The following CCDC91 variants were observed in gnomAD, a reference collection of about 807,000 sequenced individuals.
CCDC91 encodes coiled-coil domain containing 91, also known as coiled-coil domain-containing protein 91.
A neutral mutation model predicts 63.2 loss-of-function variants in CCDC91; 48 were observed. That is an observed-to-expected ratio of 0.76 (90% CI 0.60 to 0.97). The LOEUF is 0.97. CCDC91 is among the 50% of genes least tolerant of loss of function. CCDC91 has a pLI of 0.00. For synonymous variants in CCDC91, 167 were observed against 165.8 expected, an observed-to-expected ratio of 1.01 and a Z score of -0.06; for missense variants, 500 against 494.6, an observed-to-expected ratio of 1.01 and a Z score of -0.10.
chr12:28,329,666 CGCA>C (rs1227770886), intron 6 of CCDC91, among the ~76,000 whole-genome samples: 1 of 151,830 alleles, frequency 6.6e-6, no homozygotes, highest in Non-Finnish European at 1.5e-5. Context: ...GTGCACAACG[CGCA>C]GGTTTGTTAC....
rs758170537 is a variant in CCDC91 at position 28,259,491 on chromosome 12, A to C, written c.109+49A>C. ...TTTTTTTTTTTTTTTTTCCCATGTA[A>C]CATTTTTGGCAACTCTTTGAAACCC... On this transcript the variant is annotated intron_variant, in intron 3 of 12. Transcript: ENST00000536442. The C allele has an allele frequency of 2.0e-5, 25 of 1,248,400 alleles. 1 individual carries two copies. In the South Asian group the frequency reaches 3.2e-4, roughly 16 times the overall value. 77.3% of individuals were successfully genotyped at this position (1,248,400 alleles called of 1,614,324 possible).
At chr12:28,362,029 G>A (rs1943922174) in intron 6 of CCDC91, among the ~76,000 whole-genome samples, 1 of 152,032 alleles carries the variant, frequency 6.6e-6, no homozygotes, top group Non-Finnish European at 1.5e-5. Flanking sequence ...GTCCTAGGTA[G>A]GTAGAATTGG....
At chr12:28,490,184 T>C (rs892950657) in intron 12 of CCDC91, among the ~76,000 whole-genome samples, 11 of 151,902 alleles carry the variant, frequency 7.2e-5, no homozygotes, top group African/African-American at 2.4e-4. Flanking sequence ...CTCTTGCTTC[T>C]ATCCAATCTG....
intron 7 of CCDC91, among the ~76,000 whole-genome samples, chr12:28,374,336 A>G (rs762110200): frequency 6.6e-6 from 1 of 152,128 alleles, no homozygotes; most frequent in Non-Finnish European, 1.5e-5. Context: ...GTATTGGATC[A>G]CCTCAACCCA....
At chr12:28,422,954 T>G (rs536333951) in intron 8 of CCDC91, among the ~76,000 whole-genome samples, 5 of 150,940 alleles carry the variant, frequency 3.3e-5, no homozygotes, top group East Asian at 3.9e-4. Flanking sequence ...GTTGTTGGTG[T>G]TTGTTGTTGT....
At chr12:28,547,885 TG>T (rs1943095688) in intron 12 of CCDC91, among the ~76,000 whole-genome samples, 1 of 152,148 alleles carries the variant, frequency 6.6e-6, no homozygotes, top group Admixed American at 6.6e-5. Context: ...GGTTTGCCTT[TG>T]TGGGGGATGC....
intron 11 of CCDC91, among the ~76,000 whole-genome samples, chr12:28,480,828 G>A (rs992926426): frequency 6.6e-6 from 1 of 152,002 alleles, no homozygotes; most frequent in African/African-American, 2.4e-5. Flanking sequence ...ACTGAGCTAT[G>A]TTTACAGTCC....
In CCDC91 at chr12:28,548,377, C is replaced by A. The variant is rs553343971; in HGVS notation, c.1216-686C>A. 5.3e-4 allele frequency among the ~76,000 whole-genome samples: 81 copies of A among 152,188 alleles called. No individual in the cohort carries two copies. The South Asian group carries it at 0.016, about 30-fold the overall frequency. ...CTCTGTCTCCTGGGTTCAATAAATT[C>A]TTTTGCCTCAACCTCCTAAGTAGCT... On this transcript the variant is annotated intron_variant, in intron 12 of 12. Transcript: ENST00000536442.
intron 11 of CCDC91, among the ~76,000 whole-genome samples, chr12:28,455,802 T>G (rs1950031393): frequency 3.9e-5 from 6 of 152,112 alleles, no homozygotes; most frequent in Admixed American, 3.9e-4. Flanking sequence ...CTGAGCACTT[T>G]TCTAATTTTT....
chr12:28,523,948 T>C (rs532687297), intron 12 of CCDC91, among the ~76,000 whole-genome samples: 83 of 152,236 alleles, frequency 5.5e-4, no homozygotes, highest in Non-Finnish European at 1.0e-3. Context: ...GCATCCACTG[T>C]GAACGCCACA....
rs556132085 is a variant in CCDC91, at chr12:28,439,046, A to G, written c.763-11115A>G. On this transcript the variant is annotated intron_variant, in intron 8 of 12. Coordinates refer to ENST00000536442, the MANE Select transcript of CCDC91 (RefSeq NM_018318.5). ...AGGCCTGCCTTTTTAATGCTGATGC[A>G]TCTCCCAATTTTTGTGTCATTCCTA... Among the ~76,000 whole-genome samples, 15 of 152,302 alleles carry G rather than the reference A, an allele frequency of 9.8e-5. 1 individual carries two copies. The East Asian group carries it at 2.7e-3, about 27-fold the overall frequency.
At chr12:28,396,209 G>C (rs926035265) in intron 8 of CCDC91, among the ~76,000 whole-genome samples, 7 of 152,146 alleles carry the variant, frequency 4.6e-5, no homozygotes, top group Non-Finnish European at 1.0e-4. Context: ...GAAAGAGGCA[G>C]ATGGAATTGC....
At chr12:28,316,515 T>TTTTA (rs1211784667) in intron 6 of CCDC91, among the ~76,000 whole-genome samples, 1 of 149,906 alleles carries the variant, frequency 6.7e-6, no homozygotes, top group African/African-American at 2.4e-5. Flanking sequence ...TTTCTTTTTA[T>TTTTA]TTTATTTATT....
intron 8 of CCDC91, among the ~76,000 whole-genome samples, chr12:28,397,912 A>G (rs1946386671): frequency 6.6e-6 from 1 of 152,134 alleles, no homozygotes; most frequent in Non-Finnish European, 1.5e-5. Flanking sequence ...ACCGATAGCA[A>G]CCCACACACA....
intron 7 of CCDC91, among the ~76,000 whole-genome samples, chr12:28,386,360 A>G (rs1046543035): frequency 6.6e-6 from 1 of 152,092 alleles, no homozygotes; most frequent in Admixed American, 6.6e-5. Flanking sequence ...TTAACACTTT[A>G]AAAATTATTC....
chr12:28,206,012 G>A (rs940575072), intron 1 of CCDC91, among the ~76,000 whole-genome samples: 11 of 152,160 alleles, frequency 7.2e-5, no homozygotes, highest in African/African-American at 1.9e-4. Context: ...AGTGAGTTTT[G>A]CAAAGGTAGG....
chr12:28,518,764 T>C (rs1054029371), intron 12 of CCDC91, among the ~76,000 whole-genome samples: 2 of 152,078 alleles, frequency 1.3e-5, no homozygotes, highest in African/African-American at 2.4e-5. Context: ...AATGTTATCT[T>C]CTAGAATTTT....
At chr12:28,435,355 T>C (rs1948850437) in intron 8 of CCDC91, among the ~76,000 whole-genome samples, 1 of 151,778 alleles carries the variant, frequency 6.6e-6, no homozygotes, top group Non-Finnish European at 1.5e-5. Context: ...TGAGACATGT[T>C]TTTTATCCCA....
chr12:28,549,029 TC>T, intron 12 of CCDC91, 33 bp from the exon 13 acceptor site: 1 of 1,382,636 alleles, frequency 7.2e-7, no homozygotes, highest in Non-Finnish European at 1.0e-6. Flanking sequence ...TATTTTTTTT[TC>T]TCTTTCTCTC....
Sources: gnomAD v4.1 joint callset for allele counts (sites outside exome capture counted in the v4.1 genomes callset) on GRCh38, gnomAD v4.1.1 for gene constraint, MANE v1.5 for transcripts, NCBI Gene and HGNC (gene_info 2026-07-23, HGNC 2026-07-21) for gene names.